Variants in ZCWPW2 observed in about 807,000 individuals in gnomAD.
ZCWPW2 encodes zinc finger CW-type and PWWP domain containing 2, also known as zinc finger CW-type PWWP domain protein 2.
ZCWPW2 carries 45 observed loss-of-function variants against 46.6 expected under a neutral mutation model. The ratio of observed to expected loss-of-function variants is 0.96; its 90% confidence interval spans 0.76 to 1.24. The LOEUF (loss-of-function observed/expected upper bound fraction) is 1.24, where lower values mean the gene tolerates loss of function less well. ZCWPW2 is among the 50% of genes most tolerant of loss of function. ZCWPW2 has a pLI of 0.00. For missense variants in ZCWPW2, 429 were observed against 403.9 expected, an observed-to-expected ratio of 1.06 and a Z score of -0.53; for synonymous variants, 152 against 137.1, an observed-to-expected ratio of 1.11 and a Z score of -0.76.
intron 3 of ZCWPW2, among the ~76,000 whole-genome samples, chr3:28,421,778 A>C (rs1696800045): frequency 6.7e-6 from 1 of 149,836 alleles, no homozygotes; most frequent in East Asian, 2.0e-4. Context: ...TAGAGGGAGA[A>C]ATAGAAAGAA....
chr3:28,351,796 T>G (rs1704562918), intron 1 of ZCWPW2, among the ~76,000 whole-genome samples: 1 of 148,798 alleles, frequency 6.7e-6, no homozygotes, highest in Admixed American at 6.7e-5. Flanking sequence ...CTCTTGATTG[T>G]CAGAGGAAGA....
intron 3 of ZCWPW2, among the ~76,000 whole-genome samples, chr3:28,429,637 T>C (rs1283182050): frequency 1.3e-5 from 2 of 152,140 alleles, no homozygotes; most frequent in African/African-American, 4.8e-5. Flanking sequence ...CTCCAGGGCA[T>C]ATCAGAGGTC....
intron 1 of ZCWPW2, among the ~76,000 whole-genome samples, chr3:28,372,564 C>T (rs192396717): frequency 1.2e-4 from 19 of 152,218 alleles, no homozygotes; most frequent in Non-Finnish European, 2.1e-4. Flanking sequence ...TTTTGAAGTA[C>T]ATTCTGCTAG....
chr3:28,372,294 T>C (rs1705361950), intron 1 of ZCWPW2, among the ~76,000 whole-genome samples: 2 of 152,132 alleles, frequency 1.3e-5, no homozygotes, highest in Non-Finnish European at 1.5e-5. Context: ...AGAACCGTAG[T>C]CTATAGTATT....
intron 1 of ZCWPW2, among the ~76,000 whole-genome samples, chr3:28,377,111 C>G (rs1559479322): frequency 6.6e-6 from 1 of 151,270 alleles, no homozygotes; most frequent in Non-Finnish European, 1.5e-5. Context: ...CTTTAGAGAC[C>G]TTTAGTTTGT....
intron 1 of ZCWPW2, among the ~76,000 whole-genome samples, chr3:28,360,095 A>C (rs766513535): frequency 1.3e-5 from 2 of 152,110 alleles, no homozygotes; most frequent in Admixed American, 6.6e-5. Context: ...GATGCATGGG[A>C]AAGAGTGAAG....
intron 4 of ZCWPW2, among the ~76,000 whole-genome samples, chr3:28,436,514 A>G (rs1042773635): frequency 6.6e-6 from 1 of 152,072 alleles, no homozygotes; most frequent in Non-Finnish European, 1.5e-5. Flanking sequence ...TATTTAAAAC[A>G]TGCAATTTAA....
chr3:28,387,895 T>G (rs1695334583), intron 1 of ZCWPW2, among the ~76,000 whole-genome samples: 1 of 152,176 alleles, frequency 6.6e-6, no homozygotes. Flanking sequence ...TATGGCATTT[T>G]CACTTACCTT....
intron 4 of ZCWPW2, among the ~76,000 whole-genome samples, chr3:28,474,793 T>G (rs1415632439): frequency 1.4e-5 from 2 of 141,110 alleles, no homozygotes; most frequent in African/African-American, 5.2e-5. Flanking sequence ...CATGTCAGTA[T>G]GTCTGAACTA....
At chr3:28,466,429 TAC>T (rs1698828022) in intron 4 of ZCWPW2, among the ~76,000 whole-genome samples, 1 of 152,184 alleles carries the variant, frequency 6.6e-6, no homozygotes, top group South Asian at 2.1e-4. Flanking sequence ...ACATAAATAA[TAC>T]ACTGGTGTAA....
intron 2 of ZCWPW2, among the ~76,000 whole-genome samples, chr3:28,409,226 T>A (rs1696299816): frequency 6.6e-6 from 1 of 150,834 alleles, no homozygotes; most frequent in Admixed American, 6.7e-5. Flanking sequence ...TTCAAGCGAT[T>A]CTCCTGCCTC....
chr3:28,390,200 G>A lies in ZCWPW2; in HGVS notation c.-133-298G>A, dbSNP rs370103114. Among the ~76,000 whole-genome samples, 107 of 152,206 alleles carry A rather than the reference G, an allele frequency of 7.0e-4. 2 individuals are homozygous for A. In the South Asian group the frequency reaches 9.5e-3, roughly 14 times the overall value. On this transcript the variant is annotated intron_variant, in intron 1 of 9. Coordinates refer to ENST00000383768, the MANE Select transcript of ZCWPW2 (RefSeq NM_001040432.4). ...TATCATCTTCACAGAGTAAAAGTGC[G>A]GATGTGATCCCTCTTACTACTTCAT...
intron 3 of ZCWPW2, 85 bp from the exon 4 acceptor site, chr3:28,435,025 A>G (rs1337148858): frequency 4.2e-6 from 6 of 1,442,168 alleles, no homozygotes; most frequent in Non-Finnish European, 5.7e-6. Context: ...AATTCAAAGG[A>G]GGAAGTTAAT....
At chr3:28,408,770 G>A (rs1056435989) in intron 2 of ZCWPW2, among the ~76,000 whole-genome samples, 4 of 152,076 alleles carry the variant, frequency 2.6e-5, no homozygotes, top group Non-Finnish European at 4.4e-5. Context: ...GAATGAACTC[G>A]TTATTGATAA....
chr3:28,350,301 A>T (rs1351870595), intron 1 of ZCWPW2, among the ~76,000 whole-genome samples: 1 of 152,216 alleles, frequency 6.6e-6, no homozygotes, highest in Non-Finnish European at 1.5e-5. Context: ...AAGGTGTAGA[A>T]ATATTTTTGA....
intron 3 of ZCWPW2, among the ~76,000 whole-genome samples, chr3:28,424,239 A>ACACC (rs1224390002): frequency 6.7e-6 from 1 of 149,902 alleles, no homozygotes; most frequent in Non-Finnish European, 1.5e-5. Flanking sequence ...ACACACACAC[A>ACACC]CACACACACA....
chr3:28,504,027 C>T (rs1365309613), intron 6 of ZCWPW2, among the ~76,000 whole-genome samples: 1 of 151,862 alleles, frequency 6.6e-6, no homozygotes. Context: ...GAAACTTTTT[C>T]TCTACTAAAA....
chr3:28,349,460 G>C (rs1001490990), intron 1 of ZCWPW2, among the ~76,000 whole-genome samples: 1 of 152,214 alleles, frequency 6.6e-6, no homozygotes, highest in Non-Finnish European at 1.5e-5. Flanking sequence ...TGAGGCACAA[G>C]CTCGACGAAT....
intron 6 of ZCWPW2, among the ~76,000 whole-genome samples, chr3:28,510,429 T>G (rs1700396360): frequency 6.6e-6 from 1 of 152,356 alleles, no homozygotes; most frequent in Admixed American, 6.5e-5. Context: ...TTGACTTTTG[T>G]AAATCCTCTT....
Sources: allele counts gnomAD v4.1 joint callset (sites outside exome capture counted in the v4.1 genomes callset), GRCh38; gene constraint gnomAD v4.1.1; transcripts MANE v1.5; gene names NCBI Gene and HGNC (gene_info 2026-07-23, HGNC 2026-07-21).